The following CES5A variants were observed in gnomAD, a reference collection of about 807,000 sequenced individuals.
CES5A encodes carboxylesterase 5.
A neutral mutation model predicts 62.9 loss-of-function variants in CES5A; 67 were observed. That is an observed-to-expected ratio of 1.07 (90% CI 0.88 to 1.31). CES5A has a LOEUF of 1.31. Among genes scored for constraint, CES5A ranks in the 50% most tolerant of loss-of-function variants. The probability of loss-of-function intolerance (pLI) is 0.00; values close to 1 mark genes in which losing one functional copy is unlikely to be tolerated. For missense variants in CES5A, 748 were observed against 708.5 expected (o/e 1.06, Z -0.63); for synonymous variants, 296 against 280.8 (o/e 1.05, Z -0.54).
At chr16:55,943,974 TC>T in intron 2 of CES5A, 1 of 699,980 alleles carries the variant, frequency 1.4e-6, no homozygotes, top group Non-Finnish European at 2.6e-6. Context: ...ATGAGCATTA[TC>T]AGCCCAGGTA....
At chr16:55,921,931 CT>C in intron 1 of CES5A, among the ~76,000 whole-genome samples, 1 of 151,904 alleles carries the variant, frequency 6.6e-6, no homozygotes, top group Non-Finnish European at 1.5e-5. Context: ...TGTTTCTATT[CT>C]TTTCTTGGTG....
intron 9 of CES5A, among the ~76,000 whole-genome samples, chr16:55,855,973 C>T (rs2033235546): frequency 6.6e-6 from 1 of 152,102 alleles, no homozygotes; most frequent in African/African-American, 2.4e-5. Flanking sequence ...TGATAGAGTT[C>T]TCATGAGATT....
At chr16:55,860,416 C>T (rs1220911191) in intron 7 of CES5A, among the ~76,000 whole-genome samples, 1 of 151,364 alleles carries the variant, frequency 6.6e-6, no homozygotes, top group Non-Finnish European at 1.5e-5. Context: ...ATTCCAGGCC[C>T]ACTTCAGGCT....
chr16:55,933,749 C>T (rs372019154), intron 2 of CES5A, among the ~76,000 whole-genome samples: 1 of 152,174 alleles, frequency 6.6e-6, no homozygotes, highest in East Asian at 1.9e-4. Context: ...CCACCACCAT[C>T]TCTCACCTGG....
rs1217902056 is a variant in CES5A at position 55,859,547 on chromosome 16, C to T, written c.1056G>A (p.Met352Ile). 1.9e-6 allele frequency: 3 copies of T among 1,610,982 alleles called. No homozygotes were observed. The highest frequency in any genetic ancestry group is 2.5e-6 in the Non-Finnish European group (3 of 1,179,398). Residue 352 changes from methionine to isoleucine, a missense_variant and splice_region_variant, in exon 8 of 13, where the codon ATG becomes ATA. Transcript: ENST00000290567. ...NNHECGFLLPMKEAPEILSGS... is the reference protein window; with the variant it reads ...NNHECGFLLPIKEAPEILSGS... ...CAGTATGGACAGCCAGAATTCTTAC[C>T]ATAGGCAGCAGGAAGCCACACTCGT...
At position 55,915,445 on chromosome 16, in the gene CES5A, A is replaced by G. The variant is rs796320414; in HGVS notation, c.-256+9878T>C. On this transcript the variant is annotated intron_variant, in intron 1 of 12. Transcript: ENST00000518005. ...GGGAGGAGAGAGAAAAGAAAGGGGG[A>G]GGACAAGGGAGATAACTGGAAGGAG... Among the ~76,000 whole-genome samples, 49 of 151,940 alleles carry G rather than the reference A, an allele frequency of 3.2e-4. 1 individual carries two copies. The highest frequency in any genetic ancestry group is 1.1e-3 in the African/African-American group (45 of 41,430).
upstream of CES5A, among the ~76,000 whole-genome samples, chr16:55,925,950 A>AT (rs1327486457): frequency 1.3e-5 from 2 of 152,186 alleles, no homozygotes; most frequent in African/African-American, 2.4e-5. Context: ...TCTGTGGGAG[A>AT]TAAAAAAGAC....
chr16:55,890,978 C>G (rs1435099814), intron 1 of CES5A, among the ~76,000 whole-genome samples: 1 of 152,058 alleles, frequency 6.6e-6, no homozygotes, highest in African/African-American at 2.4e-5. Flanking sequence ...TTTCAATCAC[C>G]TGCTCCACCC....
rs1314618981 is a variant in CES5A, at chr16:55,892,049, AC to A, written c.-255-18013del. On this transcript the variant is annotated intron_variant, in intron 1 of 12. Transcript: ENST00000518005. ...TGAAGAGATTAACTGAAAGTCTAGC[AC>A]CTTTTAAAGGCTTGAATAGAAAACA... Among the ~76,000 whole-genome samples the A allele has an allele frequency of 2.6e-5, 4 of 152,128 alleles. 1 individual carries two copies. Among genetic ancestry groups the A allele is most frequent in the African/African-American group, 9.7e-5 (4 of 41,402 alleles).
At chr16:55,886,994 C>T (rs1267706139) in intron 1 of CES5A, among the ~76,000 whole-genome samples, 1 of 152,096 alleles carries the variant, frequency 6.6e-6, no homozygotes, top group African/African-American at 2.4e-5. Context: ...CATAATAGAA[C>T]AATGGAAGGT....
intron 1 of CES5A, among the ~76,000 whole-genome samples, chr16:55,900,971 G>C (rs1488435725): frequency 6.6e-6 from 1 of 152,152 alleles, no homozygotes; most frequent in Non-Finnish European, 1.5e-5. Flanking sequence ...TGTGAGTCAG[G>C]GGGAGAGCTG....
chr16:55,936,350 G>A (rs185543653), intron 2 of CES5A, among the ~76,000 whole-genome samples: 92 of 152,270 alleles, frequency 6.0e-4, no homozygotes, highest in Admixed American at 3.9e-3. Context: ...GTGTGTGTTC[G>A]TATGGAGCAC....
At chr16:55,938,060 T>A (rs561231588) in intron 2 of CES5A, among the ~76,000 whole-genome samples, 9 of 152,334 alleles carry the variant, frequency 5.9e-5, no homozygotes, top group African/African-American at 2.2e-4. Flanking sequence ...CCTCGAATAC[T>A]GAGTTCCACG....
intron 3 of CES5A, among the ~76,000 whole-genome samples, chr16:55,870,893 G>C (rs1386254195): frequency 6.6e-6 from 1 of 152,170 alleles, no homozygotes; most frequent in African/African-American, 2.4e-5. Context: ...AGGGGAGGTG[G>C]ACAAACCTCT....
chr16:55,920,454 G>A (rs778238337), intron 1 of CES5A, among the ~76,000 whole-genome samples: 48 of 152,178 alleles, frequency 3.2e-4, no homozygotes, highest in Non-Finnish European at 2.9e-4. Flanking sequence ...TGTCCCACAG[G>A]TCTTCTGGGA....
At chr16:55,907,234 A>T (rs1480797984) in intron 1 of CES5A, among the ~76,000 whole-genome samples, 1 of 152,046 alleles carries the variant, frequency 6.6e-6, no homozygotes, top group Non-Finnish European at 1.5e-5. Context: ...TCTGAACGAA[A>T]CTCCAGCAGA....
At chr16:55,949,765 A>G in intron 2 of CES5A, 2 of 1,313,754 alleles carry the variant, frequency 1.5e-6, no homozygotes, top group Non-Finnish European at 2.1e-6. Flanking sequence ...ACCCTGGTAA[A>G]TTCTTGTCAA....
At position 55,955,295 on chromosome 16, in the gene CES5A, A is replaced by T. The variant is rs61492752; in HGVS notation, c.42+549T>A. ...TAGTTTCCTGTTGAGTCAAAAAAAA[A>T]TTTTTTTAATAAGTAATTTGCTGAA... On this transcript the variant is annotated intron_variant, in intron 1 of 13. Coordinates refer to the CES5A transcript ENST00000521992. 8.5e-3 allele frequency among the ~76,000 whole-genome samples: 1,299 copies of T among 152,234 alleles called. 17 individuals are homozygous for T. Among genetic ancestry groups the T allele is most frequent in the African/African-American group, 0.028 (1,174 of 41,548 alleles).
chr16:55,914,185 C>T (rs1007373037), intron 1 of CES5A, among the ~76,000 whole-genome samples: 3 of 152,176 alleles, frequency 2.0e-5, no homozygotes, highest in Non-Finnish European at 4.4e-5. Context: ...CAAAATCTGG[C>T]AACCCTACCC....
Sources: gnomAD v4.1 joint callset for allele counts (sites outside exome capture counted in the v4.1 genomes callset) on GRCh38, gnomAD v4.1.1 for gene constraint, MANE v1.5 for transcripts, NCBI Gene and HGNC (gene_info 2026-07-23, HGNC 2026-07-21) for gene names.